Variants in KCNIP4 observed in about 807,000 individuals in gnomAD.
The protein encoded by KCNIP4 is potassium voltage-gated channel interacting protein 4.
In KCNIP4, 12 loss-of-function variants were observed where a neutral mutation model predicts 34.0. The ratio of observed to expected loss-of-function variants is 0.35; its 90% CI spans 0.23 to 0.57. KCNIP4 has a LOEUF of 0.57. Among genes scored for constraint, KCNIP4 ranks in the 20% least tolerant of loss-of-function variants. The pLI is 0.83. For missense variants in KCNIP4, 238 were observed against 311.7 expected, an observed-to-expected ratio of 0.76 and a Z score of 1.78; for synonymous variants, 124 against 102.2, an observed-to-expected ratio of 1.21 and a Z score of -1.29.
chr4:21,732,202 T>C (rs1715658147), intron 1 of KCNIP4, among the ~76,000 whole-genome samples: 2 of 152,042 alleles, frequency 1.3e-5, no homozygotes, highest in East Asian at 3.9e-4. Context: ...AAATAATTAT[T>C]CTTCATTAAC....
At chr4:21,403,785 G>T (rs1352346312) in intron 1 of KCNIP4, among the ~76,000 whole-genome samples, 1 of 152,132 alleles carries the variant, frequency 6.6e-6, no homozygotes, top group Admixed American at 6.5e-5. Context: ...CTTCCAAGAG[G>T]GTGCCCTGTT....
At chr4:21,523,585 T>C (rs1184286545) in intron 1 of KCNIP4, among the ~76,000 whole-genome samples, 3 of 152,042 alleles carry the variant, frequency 2.0e-5, no homozygotes, top group Non-Finnish European at 4.4e-5. Context: ...CTCTTTCTTT[T>C]CTTTCAGACA....
At chr4:21,263,825 A>T (rs1178890907) in intron 1 of KCNIP4, among the ~76,000 whole-genome samples, 1 of 151,788 alleles carries the variant, frequency 6.6e-6, no homozygotes, top group Non-Finnish European at 1.5e-5. Context: ...CTGACTAATT[A>T]AATTTTTTTT....
chr4:20,875,213 T>C (rs1026645312), intron 2 of KCNIP4, among the ~76,000 whole-genome samples: 6 of 152,186 alleles, frequency 3.9e-5, no homozygotes, highest in African/African-American at 1.4e-4. Flanking sequence ...TCATATTTTT[T>C]TGTAAAACTG....
At chr4:21,192,252 A>G (rs1755708451) in intron 1 of KCNIP4, among the ~76,000 whole-genome samples, 1 of 152,208 alleles carries the variant, frequency 6.6e-6, no homozygotes, top group African/African-American at 2.4e-5. Flanking sequence ...TTTAGGGCAC[A>G]TTATCAGTTG....
intron 5 of KCNIP4, among the ~76,000 whole-genome samples, chr4:20,748,062 T>A (rs1320142138): frequency 6.6e-6 from 1 of 152,158 alleles, no homozygotes; most frequent in East Asian, 1.9e-4. Flanking sequence ...CTTGCAATAC[T>A]TAGCTGCTAA....
At chr4:21,132,385 G>A (rs950342751) in intron 1 of KCNIP4, among the ~76,000 whole-genome samples, 5 of 152,150 alleles carry the variant, frequency 3.3e-5, no homozygotes, top group African/African-American at 7.2e-5. Flanking sequence ...TGAATATGCC[G>A]GATTAGGAGA....
rs897953442 is a variant in KCNIP4 at position 21,304,966 on chromosome 4, A to T, written c.62-422257T>A. ...TAAATTTGGAGCCAGGAAAAGTTTG[A>T]GAATAAAAAAAAAAAATCTGAAAAA... On this transcript the variant is annotated intron_variant, in intron 1 of 8. Coordinates refer to ENST00000382152, the MANE Select transcript of KCNIP4 (RefSeq NM_025221.6). Among the ~76,000 whole-genome samples the T allele has an allele frequency of 1.5e-4, 15 of 97,564 alleles. 1 individual carries two copies. Among genetic ancestry groups the T allele is most frequent in the Admixed American group, 2.4e-4 (2 of 8,404 alleles). The allele number at this position is 97,564 out of a possible 152,430, so 64.0% of individuals were successfully genotyped here.
chr4:20,851,671 T>G (rs1451965487), intron 2 of KCNIP4, among the ~76,000 whole-genome samples: 2 of 152,306 alleles, frequency 1.3e-5, no homozygotes, highest in East Asian at 1.9e-4. Context: ...GTTTCCCTTT[T>G]TCTCTACAAC....
intron 1 of KCNIP4, among the ~76,000 whole-genome samples, chr4:21,045,663 C>T (rs768987600): frequency 1.4e-4 from 22 of 152,052 alleles, no homozygotes; most frequent in African/African-American, 2.4e-4. Flanking sequence ...ACTCTTAGCA[C>T]GGCTGATACA....
At chr4:21,006,745 T>C (rs1435940542) in intron 1 of KCNIP4, among the ~76,000 whole-genome samples, 1 of 152,158 alleles carries the variant, frequency 6.6e-6, no homozygotes, top group South Asian at 2.1e-4. Context: ...GGTAAGTGCA[T>C]GCCGTGCCTG....
At chr4:21,330,756 A>T (rs762788621) in intron 1 of KCNIP4, among the ~76,000 whole-genome samples, 1 of 152,138 alleles carries the variant, frequency 6.6e-6, no homozygotes, top group Non-Finnish European at 1.5e-5. Context: ...CTCTTACCTC[A>T]AGTGAATGAT....
intron 1 of KCNIP4, among the ~76,000 whole-genome samples, chr4:21,178,828 T>G (rs1481199064): frequency 4.3e-5 from 6 of 139,308 alleles, no homozygotes; most frequent in South Asian, 2.2e-4. Context: ...TTTTTTTTTT[T>G]TTTTTTGTTT....
chr4:21,890,419 T>A (rs1461786639), intron 1 of KCNIP4, among the ~76,000 whole-genome samples: 3 of 152,194 alleles, frequency 2.0e-5, no homozygotes, highest in African/African-American at 7.2e-5. Context: ...CATCTGGGAA[T>A]GTTCTTCATA....
At chr4:20,897,584 T>C (rs988660840) in intron 1 of KCNIP4, among the ~76,000 whole-genome samples, 1 of 152,118 alleles carries the variant, frequency 6.6e-6, no homozygotes, top group Admixed American at 6.6e-5. Context: ...GATAATGTTT[T>C]TAAAGAGGTA....
chr4:21,396,604 T>C (rs958941407), intron 1 of KCNIP4, among the ~76,000 whole-genome samples: 3 of 133,160 alleles, frequency 2.3e-5, no homozygotes, highest in African/African-American at 5.4e-5. Context: ...AGATAAACTA[T>C]CAAAAGTTAG....
At chr4:21,598,103 A>T (rs1229151615) in intron 1 of KCNIP4, among the ~76,000 whole-genome samples, 1 of 152,126 alleles carries the variant, frequency 6.6e-6, no homozygotes, top group Non-Finnish European at 1.5e-5. Flanking sequence ...AGCACCGGTT[A>T]CCATTAAATG....
intron 3 of KCNIP4, among the ~76,000 whole-genome samples, chr4:20,835,318 A>T (rs1718905064): frequency 6.6e-6 from 1 of 152,018 alleles, no homozygotes; most frequent in Non-Finnish European, 1.5e-5. Flanking sequence ...TGTCTCTTTT[A>T]AGTCATTCTT....
intron 1 of KCNIP4, among the ~76,000 whole-genome samples, chr4:21,647,478 C>A (rs569697454): frequency 3.9e-5 from 6 of 152,272 alleles, no homozygotes; most frequent in Non-Finnish European, 7.4e-5. Flanking sequence ...TTATCATACA[C>A]AATAATCCTC....
Sources: gnomAD v4.1 joint callset for allele counts (sites outside exome capture counted in the v4.1 genomes callset) on GRCh38, gnomAD v4.1.1 for gene constraint, MANE v1.5 for transcripts, NCBI Gene and HGNC (gene_info 2026-07-23, HGNC 2026-07-21) for gene names.